Variants in SLC12A1 observed in about 807,000 individuals in gnomAD.
SLC12A1 encodes solute carrier family 12 member 1.
Under a neutral mutation model 130.4 loss-of-function variants are expected in SLC12A1, and 89 were observed. That is an observed-to-expected ratio of 0.68 (90% confidence interval 0.58 to 0.81). The LOEUF is 0.81. Among genes scored for constraint, SLC12A1 ranks in the 40% least tolerant of loss-of-function variants. The probability of loss-of-function intolerance (pLI) is 0.00; values close to 1 mark genes in which losing one functional copy is unlikely to be tolerated. For missense variants in SLC12A1, 1,310 were observed against 1,336.4 expected (o/e 0.98, Z 0.31); for synonymous variants, 499 against 460.0 (o/e 1.08, Z -1.09).
chr15:48,226,773 C>T (rs1412726554), intron 5 of SLC12A1: 3 of 617,448 alleles, frequency 4.9e-6, no homozygotes, highest in African/African-American at 3.7e-5. Flanking sequence ...ATGGATCTCT[C>T]TGGCACATTG....
rs368454499 is a variant in SLC12A1 at position 48,251,797 on chromosome 15, G to C, written c.1942+27G>C. 9.3e-6 allele frequency: 15 copies of C among 1,604,428 alleles called. No individual in the cohort carries two copies. The East Asian group carries it at 2.9e-4, about 31-fold the overall frequency. On this transcript the variant is annotated intron_variant, in intron 15 of 26. Transcript: ENST00000380993. The stretch of plus-strand genomic sequence containing the variant: ...TAAGATAATGACTGTCTGGAATAGC[G>C]TTTCCAAATCTCTCTCTAACTACTC...
chr15:48,246,839 G>C, intron 11 of SLC12A1, 70 bp from the exon 12 acceptor site: 1 of 994,282 alleles, frequency 1.0e-6, no homozygotes, highest in Non-Finnish European at 1.6e-6. Flanking sequence ...AAATGTAGTT[G>C]AAAGCCGTTT....
chr15:48,216,662 AT>A (rs538096803), intron 2 of SLC12A1, among the ~76,000 whole-genome samples: 2 of 152,060 alleles, frequency 1.3e-5, no homozygotes, highest in Admixed American at 6.6e-5. Context: ...AATATTGACA[AT>A]TTTTTTTAAA....
intron 22 of SLC12A1, 62 bp from the exon 23 acceptor site, chr15:48,288,343 A>G (rs1566857370): frequency 1.1e-5 from 12 of 1,075,238 alleles, no homozygotes; most frequent in Non-Finnish European, 1.5e-5. Flanking sequence ...TAAAGATATA[A>G]AGCTATTCAT....
At chr15:48,295,894 A>T (rs1265425079) in intron 24 of SLC12A1, among the ~76,000 whole-genome samples, 2 of 152,186 alleles carry the variant, frequency 1.3e-5, no homozygotes, top group East Asian at 3.8e-4. Flanking sequence ...CCTGAAAGTA[A>T]CCCTAATGTA....
At chr15:48,213,561 C>T (rs1260702227) in intron 2 of SLC12A1, among the ~76,000 whole-genome samples, 2 of 149,014 alleles carry the variant, frequency 1.3e-5, no homozygotes, top group African/African-American at 5.0e-5. Flanking sequence ...TAGAGTGCCG[C>T]GGCGCAATCT....
intron 24 of SLC12A1, among the ~76,000 whole-genome samples, chr15:48,294,416 G>A (rs748467286): frequency 8.6e-5 from 13 of 150,940 alleles, no homozygotes; most frequent in Admixed American, 2.6e-4. Context: ...AGCTATAATC[G>A]ACAGTGTTAA....
intron 2 of SLC12A1, among the ~76,000 whole-genome samples, chr15:48,214,895 A>G (rs557578252): frequency 6.6e-6 from 1 of 151,770 alleles, no homozygotes; most frequent in South Asian, 2.1e-4. Context: ...AATAAAAGAA[A>G]GTTTAAAACA....
At chr15:48,230,915 G>A (rs1176392258) in intron 7 of SLC12A1, among the ~76,000 whole-genome samples, 2 of 152,212 alleles carry the variant, frequency 1.3e-5, no homozygotes. Flanking sequence ...ATTCTCATCT[G>A]AAAGCCAGTA....
chr15:48,235,061 C>T, intron 9 of SLC12A1, 57 bp downstream of exon 9: 2 of 1,573,008 alleles, frequency 1.3e-6, no homozygotes, highest in Non-Finnish European at 8.7e-7. Context: ...TGGTGGGTAG[C>T]ACAAGGAGCT....
At chr15:48,235,198 A>G in intron 9 of SLC12A1, 194 bp downstream of exon 9, 1 of 671,014 alleles carries the variant, frequency 1.5e-6, no homozygotes, top group South Asian at 1.7e-5. Flanking sequence ...TAATTCTTCC[A>G]AAAGTCTTAT....
chr15:48,300,117 A>G (rs1278009336), intron 25 of SLC12A1, among the ~76,000 whole-genome samples: 1 of 152,126 alleles, frequency 6.6e-6, no homozygotes, highest in African/African-American at 2.4e-5. Flanking sequence ...GGACTGCTTG[A>G]GCCCAGGAGT....
At chr15:48,226,059 CT>C in intron 4 of SLC12A1, 1 of 219,308 alleles carries the variant, frequency 4.6e-6, no homozygotes, top group Non-Finnish European at 8.0e-6. Flanking sequence ...AAGTTGGTTT[CT>C]TTTCCCCCAT....
At chr15:48,216,580 A>C (rs1382797288) in intron 2 of SLC12A1, among the ~76,000 whole-genome samples, 1 of 152,232 alleles carries the variant, frequency 6.6e-6, no homozygotes, top group African/African-American at 2.4e-5. Flanking sequence ...CAATTAATCT[A>C]CACAAAGAAA....
At chr15:48,294,268 G>C (rs1213058104) in intron 24 of SLC12A1, among the ~76,000 whole-genome samples, 1 of 147,042 alleles carries the variant, frequency 6.8e-6, no homozygotes, top group African/African-American at 2.5e-5. Context: ...GAATCGCTTG[G>C]ACCTGGGAGA....
intron 2 of SLC12A1, among the ~76,000 whole-genome samples, chr15:48,209,209 G>A (rs992228825): frequency 6.6e-6 from 1 of 152,106 alleles, no homozygotes; most frequent in Non-Finnish European, 1.5e-5. Flanking sequence ...TTACAGGCAT[G>A]TGCCACCACC....
intron 17 of SLC12A1, among the ~76,000 whole-genome samples, chr15:48,262,506 C>G (rs1436003757): frequency 6.6e-6 from 1 of 152,064 alleles, no homozygotes; most frequent in Non-Finnish European, 1.5e-5. Context: ...CTGTGGCCTT[C>G]CAACTATCCA....
At chr15:48,276,099 T>A (rs1217358820) in intron 20 of SLC12A1, among the ~76,000 whole-genome samples, 1 of 152,078 alleles carries the variant, frequency 6.6e-6, no homozygotes, top group African/African-American at 2.4e-5. Context: ...GTTGATTGAA[T>A]GTGTGGGATA....
At chr15:48,227,399 G>GTGAC in intron 5 of SLC12A1, 1 of 563,722 alleles carries the variant, frequency 1.8e-6, no homozygotes, top group South Asian at 2.1e-5. Flanking sequence ...AAAGTGGAGA[G>GTGAC]TGACTATGTG....
Sources: allele counts gnomAD v4.1 joint callset (sites outside exome capture counted in the v4.1 genomes callset), GRCh38; gene constraint gnomAD v4.1.1; transcripts MANE v1.5; gene names NCBI Gene and HGNC (gene_info 2026-07-23, HGNC 2026-07-21).